HERC2: variants seen among roughly 807,000 people sequenced by gnomAD.
HERC2 encodes E3 ubiquitin-protein ligase HERC2.
HERC2 carries 102 observed loss-of-function variants against 537.7 expected under a neutral mutation model. That is an observed-to-expected ratio of 0.19 (90% CI 0.16 to 0.22). The LOEUF is 0.22. Ranked by LOEUF, HERC2 falls within the 10% of genes least tolerant of loss-of-function variation. The pLI, the probability that HERC2 is intolerant of heterozygous loss-of-function variation, is 1.00. For missense variants in HERC2, 4,236 were observed against 6,198.2 expected (o/e 0.68, Z 10.63); for synonymous variants, 2,224 against 2,466.2 (o/e 0.90, Z 2.91).
At position 28,270,871 on chromosome 15, in the gene HERC2, A is replaced by G. The variant is rs1300660166; in HGVS notation, c.1084-3T>C. The G allele has an allele frequency of 6.2e-7, 1 of 1,612,736 alleles. No homozygotes were observed. Among genetic ancestry groups the G allele is most frequent in the East Asian group, 2.2e-5 (1 of 44,882 alleles). On this transcript the variant is annotated splice_region_variant and splice_polypyrimidine_tract_variant and intron_variant, in intron 9 of 92. Coordinates refer to ENST00000261609, the MANE Select transcript of HERC2 (RefSeq NM_004667.6). ...GGGCTCAGAGGGCCAGACAAAAGCT[A>G]GAAAGGAAAAGTAAACAAAAATTCA...
chr15:28,214,958 C>T (rs1899726656), intron 39 of HERC2, among the ~76,000 whole-genome samples, 156 bp from the exon 40 acceptor site: 1 of 152,146 alleles, frequency 6.6e-6, no homozygotes, highest in African/African-American at 2.4e-5. Context: ...CTACAAACTC[C>T]CACCTCCCAG....
At chr15:28,123,514 A>G (rs756069132) in intron 85 of HERC2, among the ~76,000 whole-genome samples, 2 of 152,238 alleles carry the variant, frequency 1.3e-5, no homozygotes, top group Non-Finnish European at 2.9e-5. Context: ...TGACTTTCAG[A>G]TGCCCTCACT....
intron 17 of HERC2, among the ~76,000 whole-genome samples, chr15:28,256,812 T>C (rs1394327128): frequency 6.6e-6 from 1 of 152,184 alleles, no homozygotes; most frequent in Non-Finnish European, 1.5e-5. Flanking sequence ...GCCGGGATGG[T>C]CTCGATCTCC....
chr15:28,295,539 C>T (rs2076445503), intron 3 of HERC2, among the ~76,000 whole-genome samples: 1 of 152,150 alleles, frequency 6.6e-6, no homozygotes, highest in Non-Finnish European at 1.5e-5. Context: ...GCTGGGATTA[C>T]AGGCGTGCAT....
intron 28 of HERC2, 32 bp downstream of exon 28, chr15:28,233,632 T>C (rs1381717317): frequency 6.2e-7 from 1 of 1,613,788 alleles, no homozygotes; most frequent in Admixed American, 1.7e-5. Context: ...ATCTGCAGTG[T>C]ACCTAAAGTA....
intron 53 of HERC2, among the ~76,000 whole-genome samples, chr15:28,191,725 T>A (rs1343091318): frequency 6.6e-6 from 1 of 152,236 alleles, no homozygotes; most frequent in African/African-American, 2.4e-5. Context: ...GACCACATCC[T>A]CTATCAAGTG....
Position 28,191,025 on chromosome 15 carries a change from T to A in HERC2, c.8589A>T (p.Leu2863=). Residue 2863 remains leucine (L), a synonymous_variant, in exon 55 of 93, where the codon CTA becomes CTT. Coordinates refer to ENST00000261609, the MANE Select transcript of HERC2 (RefSeq NM_004667.6). The part of the protein sequence containing the change: ...GGNSLNNLIE[L]KTININPSDT... ...CAGAAGGGTTAATATTGATTGTCTT[T>A]AGTTCAATAAGGTTATTCAGGGAAT... 1 of 1,612,818 alleles carries A rather than the reference T, an allele frequency of 6.2e-7. No homozygotes were observed. The highest frequency in any genetic ancestry group is 8.5e-7 in the Non-Finnish European group (1 of 1,178,786).
At position 28,196,276 on chromosome 15, in the gene HERC2, T is replaced by G; in HGVS notation, c.8199A>C (p.Glu2733Asp). The G allele has an allele frequency of 2.0e-6, 3 of 1,471,616 alleles. No homozygotes were observed. The highest frequency in any genetic ancestry group is 2.8e-6 in the Non-Finnish European group (3 of 1,064,634). The allele number at this position is 1,471,616 out of a possible 1,614,324, so 91.2% of individuals were successfully genotyped here. A position where few individuals can be genotyped will look rare whatever the true frequency, so the allele number is the denominator to read the frequency against. The change falls in exon 52 of 93, where the codon GAA becomes GAC. Residue 2733 changes from glutamate to aspartate, a missense_variant. Physicochemically the swap from Glu to Asp is conservative, Grantham distance 45 (BLOSUM62 2). Coordinates refer to ENST00000261609, the MANE Select transcript of HERC2 (RefSeq NM_004667.6). The part of the protein sequence containing the change: ...CRNCDDFDFC[E>D]TCFKTKKHNT... ...TGTGTTTTTTGGTCTTGAAACACGT[T>G]TCACAAAAATCAAAGTCATCACAGT... is the stretch of plus-strand genomic sequence containing the variant.
At chr15:28,266,016 G>A (rs1384155062) in intron 12 of HERC2, 42 bp from the exon 13 acceptor site, 1 of 1,598,352 alleles carries the variant, frequency 6.3e-7, no homozygotes, top group Non-Finnish European at 8.6e-7. Flanking sequence ...CTTCTTCTTG[G>A]TGTTATTTCT....
At chr15:28,266,942 T>C (rs528942423) in intron 12 of HERC2, among the ~76,000 whole-genome samples, 1 of 152,298 alleles carries the variant, frequency 6.6e-6, no homozygotes, top group South Asian at 2.1e-4. Context: ...CATTTATATG[T>C]ATTTGTTAAA....
At chr15:28,296,093 A>G (rs1349620546) in intron 3 of HERC2, among the ~76,000 whole-genome samples, 2 of 151,992 alleles carry the variant, frequency 1.3e-5, no homozygotes, top group Non-Finnish European at 2.9e-5. Context: ...ATATCTCCCT[A>G]ACACCCCGAA....
In HERC2 at chr15:28,272,968, T is replaced by C; in HGVS notation, c.837A>G (p.Gly279=). 1 of 1,612,518 alleles carries C rather than the reference T, an allele frequency of 6.2e-7. No individual in the cohort carries two copies. The highest frequency in any genetic ancestry group is 8.5e-7 in the Non-Finnish European group (1 of 1,180,024). ...VHGTPATKGP[G]SIPLQDQHLA... is the part of the protein sequence containing the mutation. ...AGTGCTGGTCCTGCAGGGGGATGCT[T>C]CCTGGCCCTTTGGTGGCTGGCGTTC... is the stretch of plus-strand genomic sequence containing the variant. The change falls in exon 8 of 93, where the codon GGA becomes GGG. Residue 279 remains glycine, a synonymous_variant. Transcript: ENST00000261609.
intron 20 of HERC2, 110 bp from the exon 21 acceptor site, chr15:28,248,846 G>C (rs1311691922): frequency 1.2e-6 from 1 of 847,396 alleles, no homozygotes. Context: ...GATCATACAT[G>C]ATGACCTGCA....
chr15:28,218,958 T>G (rs1182379906), intron 37 of HERC2, among the ~76,000 whole-genome samples: 1 of 152,116 alleles, frequency 6.6e-6, no homozygotes. Context: ...CCTCCCAAAC[T>G]GTCATCTTTT....
At chr15:28,149,632 C>CAT in intron 70 of HERC2, among the ~76,000 whole-genome samples, 1 of 151,470 alleles carries the variant, frequency 6.6e-6, no homozygotes, top group Non-Finnish European at 1.5e-5. Flanking sequence ...AACGGCTGCA[C>CAT]GAACGTACAT....
chr15:28,238,792 A>C lies in HERC2; in HGVS notation c.3578-20T>G, dbSNP rs772390929. 4 of 1,567,246 alleles carry C rather than the reference A, an allele frequency of 2.6e-6. No homozygotes were observed. In the African/African-American group the frequency reaches 5.4e-5, roughly 21 times the overall value. On this transcript the variant is annotated intron_variant, in intron 23 of 92. Transcript: ENST00000261609. ...ATGACTCTGTATATACAGAAACCAG[A>C]ATCAGTCCATTGATCAATCAACAGG...
intron 34 of HERC2, among the ~76,000 whole-genome samples, chr15:28,228,915 GAAAT>G (rs1235504440): frequency 1.3e-5 from 2 of 152,124 alleles, no homozygotes; most frequent in Non-Finnish European, 2.9e-5. Flanking sequence ...AACTATCCAG[GAAAT>G]AAATATTAAT....
chr15:28,119,297 G>A (rs765022329), intron 86 of HERC2, among the ~76,000 whole-genome samples: 4 of 151,490 alleles, frequency 2.6e-5, no homozygotes, highest in Non-Finnish European at 5.9e-5. Context: ...CTACTCAGGA[G>A]GGTGAGGCAA....
At chr15:28,190,584 G>C (rs777142348) in intron 55 of HERC2, 2 of 199,156 alleles carry the variant, frequency 1.0e-5, no homozygotes, top group African/African-American at 4.7e-5. Context: ...CAGGTGTGAC[G>C]ACAAAAAAGC....
Sources: allele counts gnomAD v4.1 joint callset (sites outside exome capture counted in the v4.1 genomes callset), GRCh38; gene constraint gnomAD v4.1.1; transcripts MANE v1.5; gene names NCBI Gene and HGNC (gene_info 2026-07-23, HGNC 2026-07-21).